The following B4GALNT3 variants were observed in gnomAD, a reference collection of about 807,000 sequenced individuals.
B4GALNT3 encodes beta-1,4-N-acetylgalactosaminyltransferase 3.
In B4GALNT3, 86 loss-of-function variants were observed where a neutral mutation model predicts 120.2. The ratio of observed to expected loss-of-function variants is 0.72; its 90% CI spans 0.60 to 0.86. The LOEUF is 0.86. Among genes scored for constraint, B4GALNT3 ranks in the 40% least tolerant of loss-of-function variants. B4GALNT3 has a pLI of 0.00. For missense variants in B4GALNT3, 1,167 were observed against 1,298.9 expected (o/e 0.90, Z 1.56); for synonymous variants, 518 against 510.4 (o/e 1.01, Z -0.20).
At chr12:495,796 T>C (rs1182525389) in intron 1 of B4GALNT3, among the ~76,000 whole-genome samples, 4 of 152,166 alleles carry the variant, frequency 2.6e-5, no homozygotes, top group Non-Finnish European at 5.9e-5. Context: ...CATGAAATAA[T>C]GGAAGCCGGG....
At chr12:539,711 G>C (rs185379498) in intron 3 of B4GALNT3, among the ~76,000 whole-genome samples, 5 of 152,202 alleles carry the variant, frequency 3.3e-5, no homozygotes, top group Non-Finnish European at 4.4e-5. Flanking sequence ...CCAGAAGTTT[G>C]AGACCACCCT....
intron 1 of B4GALNT3, among the ~76,000 whole-genome samples, chr12:531,976 T>TAA (rs66894536): frequency 0.33 from 49,104 of 149,434 alleles, 8,999 homozygotes; most frequent in East Asian, 0.68. Flanking sequence ...TATTTTTCTT[T>TAA]AAAAAAAAAA....
chr12:553,092 G>C, intron 13 of B4GALNT3, 102 bp from the exon 14 acceptor site: 1 of 1,500,138 alleles, frequency 6.7e-7, no homozygotes, highest in Non-Finnish European at 9.0e-7. Flanking sequence ...CCAGTCTGGA[G>C]CCCCATGGTG....
chr12:494,542 G>T (rs1238788827), intron 1 of B4GALNT3, among the ~76,000 whole-genome samples: 1 of 152,172 alleles, frequency 6.6e-6, no homozygotes, highest in East Asian at 1.9e-4. Flanking sequence ...AGTCATGCAG[G>T]ATTGGGTGGG....
chr12:545,589 A>C, intron 6 of B4GALNT3, 120 bp downstream of exon 6: 1 of 1,014,108 alleles, frequency 9.9e-7, no homozygotes, highest in Non-Finnish European at 1.4e-6. Flanking sequence ...AAGGGGTGGA[A>C]AAGAAGTCTC....
rs1288363840 is a variant in B4GALNT3, at chr12:553,216, A to G, written c.1293A>G (p.Glu431=). The G allele has an allele frequency of 6.2e-7, 1 of 1,613,168 alleles. No individual in the cohort carries two copies. The highest frequency in any genetic ancestry group is 1.1e-5 in the South Asian group (1 of 91,076). The change falls in exon 14 of 20, where the codon GAA becomes GAG. Residue 431 remains glutamate (E), a synonymous_variant. Transcript: ENST00000266383. The stretch of plus-strand genomic sequence containing the variant: ...CAGGTTTTGAGGAAAACCTTCTAGA[A>G]GAGTCCCAGTATGGGGAAGTGGCAG... ...EQPGFEENLL[E]ESQYGEVAEE... is the part of the protein sequence containing the mutation.
In B4GALNT3 at chr12:545,724, T is replaced by A. The variant is rs1180496720; in HGVS notation, c.639+255T>A. Among the ~76,000 whole-genome samples, 230 of 27,540 alleles carry A rather than the reference T, an allele frequency of 8.4e-3. 1 individual carries two copies. The highest frequency in any genetic ancestry group is 0.015 in the African/African-American group (93 of 6,070). The allele number at this position is 27,540 out of a possible 152,430, so 18.1% of individuals were successfully genotyped here. A position where few individuals can be genotyped will look rare whatever the true frequency, so the allele number is the denominator to read the frequency against. On this transcript the variant is annotated intron_variant, in intron 6 of 19. Transcript: ENST00000266383. ...GAGTGAGGAATGGGGAGGAGCGAGG[T>A]GTGGGGAGGAGCGAGGAGTGGGGAG...
Position 460,462 on chromosome 12 carries a change from T to A in B4GALNT3, c.86T>A (p.Leu29His). 6.3e-7 allele frequency: 1 copy of A among 1,583,142 alleles called. No individual in the cohort carries two copies. The highest frequency in any genetic ancestry group is 8.6e-7 in the Non-Finnish European group (1 of 1,166,660). ...AGGCGCTTCCGGCTGCTGCTGGCGC[T>A]CGCCGTGGTGTCTGTGGGGCTCTGG... is the stretch of plus-strand genomic sequence containing the variant. The part of the protein sequence containing the change: ...LRRRFRLLLA[L>H]AVVSVGLWTL... Residue 29 changes from leucine (L) to histidine (H), a missense_variant, in exon 1 of 20, where the codon CTC becomes CAC. By Grantham distance (99) the Leu-to-His change is moderately conservative (BLOSUM62 -3). Transcript: ENST00000266383. This position sits in a 1 kb window ranked among gnomAD's most constrained non-coding sequence, Gnocchi z 8.0.
rs575065097 is a variant in B4GALNT3 at position 514,653 on chromosome 12, G to T, written c.170-20513G>T. Among the ~76,000 whole-genome samples the T allele has an allele frequency of 2.0e-4, 30 of 152,272 alleles. 2 individuals are homozygous for T. Among genetic ancestry groups the T allele is most frequent in the African/African-American group, 7.0e-4 (29 of 41,544 alleles). ...TATTTATGTCTGATCACTGGTTGTG[G>T]TGAATACTTGGGATTTCTAGGAAAC... is the stretch of plus-strand genomic sequence containing the variant. On this transcript the variant is annotated intron_variant, in intron 1 of 19. Coordinates refer to ENST00000266383, the MANE Select transcript of B4GALNT3 (RefSeq NM_173593.4).
chr12:486,942 G>T (rs1397525992), intron 1 of B4GALNT3, among the ~76,000 whole-genome samples: 1 of 152,122 alleles, frequency 6.6e-6, no homozygotes, highest in African/African-American at 2.4e-5. Flanking sequence ...AATGAAAAAA[G>T]TAGACAACAT....
intron 1 of B4GALNT3, among the ~76,000 whole-genome samples, chr12:523,835 G>A (rs1003354261): frequency 2.0e-5 from 3 of 152,196 alleles, no homozygotes; most frequent in South Asian, 2.1e-4. Flanking sequence ...GGCTGAGACA[G>A]GCGGCTCACG....
intron 3 of B4GALNT3, among the ~76,000 whole-genome samples, chr12:536,989 C>G (rs902970207): frequency 4.6e-5 from 7 of 152,190 alleles, no homozygotes; most frequent in Admixed American, 3.3e-4. Context: ...CTATAATATA[C>G]TACCTTGCCT....
At chr12:558,870 C>G (rs1476956848) in intron 18 of B4GALNT3, among the ~76,000 whole-genome samples, 1 of 151,794 alleles carries the variant, frequency 6.6e-6, no homozygotes, top group East Asian at 1.9e-4. Context: ...CAGCAGTGCA[C>G]ACCTCCTGCG....
chr12:551,113 G>A, intron 11 of B4GALNT3, 82 bp downstream of exon 11: 3 of 1,209,120 alleles, frequency 2.5e-6, no homozygotes, highest in Admixed American at 2.0e-5. Flanking sequence ...TGGTGAGGCT[G>A]ACTTTCCCAT....
At chr12:555,859 A>C (rs907400414) in intron 14 of B4GALNT3, among the ~76,000 whole-genome samples, 2 of 151,592 alleles carry the variant, frequency 1.3e-5, no homozygotes, top group African/African-American at 2.4e-5. Flanking sequence ...ATCTCGACTC[A>C]TGCAAGCTCC....
chr12:485,625 G>T (rs1475806861), intron 1 of B4GALNT3, among the ~76,000 whole-genome samples: 1 of 152,204 alleles, frequency 6.6e-6, no homozygotes, highest in African/African-American at 2.4e-5. Flanking sequence ...GAATGGGATT[G>T]CCTAGGAAGC....
chr12:516,676 C>G (rs1181909749), intron 1 of B4GALNT3, among the ~76,000 whole-genome samples: 4 of 152,146 alleles, frequency 2.6e-5, no homozygotes, highest in African/African-American at 9.7e-5. Flanking sequence ...CATTGGCCAT[C>G]AGAAGGATCT....
At chr12:511,414 C>CCTTCCTCCTTCCACCTT (rs1946555559) in intron 1 of B4GALNT3, among the ~76,000 whole-genome samples, 1 of 109,058 alleles carries the variant, frequency 9.2e-6, no homozygotes, top group Non-Finnish European at 1.9e-5. Context: ...CTTCCTTCCA[C>CCTTCCTCCTTCCACCTT]CTTCCACCTT....
intron 5 of B4GALNT3, 191 bp from the exon 6 acceptor site, chr12:545,178 C>T (rs1946977398): frequency 6.9e-7 from 1 of 1,444,036 alleles, no homozygotes; most frequent in Non-Finnish European, 9.1e-7. Context: ...CTGGAACCAG[C>T]TCATCTCTCC....
Sources: allele counts gnomAD v4.1 joint callset (sites outside exome capture counted in the v4.1 genomes callset), GRCh38; gene constraint gnomAD v4.1.1; non-coding constraint Gnocchi (gnomAD v3.1); transcripts MANE v1.5; gene names NCBI Gene and HGNC (gene_info 2026-07-23, HGNC 2026-07-21).